Variants in ZDHHC9 observed in about 807,000 individuals in gnomAD.
ZDHHC9 encodes the protein palmitoyltransferase ZDHHC9.
A neutral mutation model predicts 26.6 loss-of-function variants in ZDHHC9; 3 were observed. That is an observed-to-expected ratio of 0.11 (90% CI 0.05 to 0.29). ZDHHC9 has a LOEUF of 0.29. Ranked by LOEUF, ZDHHC9 falls within the 10% of genes least tolerant of loss-of-function variation. The pLI is 1.00. For synonymous variants in ZDHHC9, 111 were observed against 109.4 expected, an observed-to-expected ratio of 1.01 and a Z score of -0.09; for missense variants, 146 against 296.4, an observed-to-expected ratio of 0.49 and a Z score of 3.73.
At chrX:129,823,919 G>C in intron 4 of ZDHHC9, 82 bp from the exon 5 acceptor site, 1 of 980,385 alleles carries the variant, frequency 1.0e-6, no homozygotes. Flanking sequence ...AAAACCAATG[G>C]GGGCATTCAA....
Position 129,813,666 on chromosome X carries a change from G to A in ZDHHC9, c.674+11C>T, listed in dbSNP as rs370687569. The A allele has an allele frequency of 8.5e-5, 103 of 1,208,012 alleles. No individual in the cohort carries two copies. The highest frequency in any genetic ancestry group is 1.1e-4 in the Non-Finnish European group (99 of 892,992). On this transcript the variant is annotated intron_variant, in intron 7 of 10. Coordinates refer to ENST00000357166, the MANE Select transcript of ZDHHC9 (RefSeq NM_016032.4). ...AAGGCTTCACAGGGACATACTGCCAGCGGAGGATATGTTCCAGGAGTTTCT... is the reference window on the plus strand; with the variant it reads ...AAGGCTTCACAGGGACATACTGCCAACGGAGGATATGTTCCAGGAGTTTCT...
At chrX:129,829,772 C>T (rs1928101141) in intron 3 of ZDHHC9, among the ~76,000 whole-genome samples, 2 of 111,640 alleles carry the variant, frequency 1.8e-5, no homozygotes, top group African/African-American at 3.3e-5. Context: ...ATCGTTTATC[C>T]TTAGTACCCC....
intron 5 of ZDHHC9, among the ~76,000 whole-genome samples, chrX:129,821,393 C>T (rs1244532459): frequency 1.9e-5 from 2 of 106,626 alleles, no homozygotes; most frequent in South Asian, 4.3e-4. Context: ...CCCGGGTTCA[C>T]GCCATTCTCC....
In ZDHHC9 at chrX:129,806,489, G is replaced by A. The variant is rs1927519785; in HGVS notation, c.979-3C>T. ...GAGTTCAGGTGTTCTGTGGGGGCCT[G>A]AGAAGGAAAAGATATGAGATTCAAC... is the stretch of plus-strand genomic sequence containing the variant. On this transcript the variant is annotated splice_region_variant and splice_polypyrimidine_tract_variant and intron_variant, in intron 10 of 10. Coordinates refer to ENST00000357166, the MANE Select transcript of ZDHHC9 (RefSeq NM_016032.4). 2 of 1,203,073 alleles carry A rather than the reference G, an allele frequency of 1.7e-6. No homozygotes were observed. The highest frequency in any genetic ancestry group is 2.3e-6 in the Non-Finnish European group (2 of 887,986).
chrX:129,821,604 A>G (rs1034952091), intron 5 of ZDHHC9, among the ~76,000 whole-genome samples: 1 of 108,327 alleles, frequency 9.2e-6, no homozygotes, highest in Non-Finnish European at 1.9e-5. Flanking sequence ...CCTTCTTTAA[A>G]TATCAAGTTT....
intron 4 of ZDHHC9, among the ~76,000 whole-genome samples, chrX:129,827,517 G>C (rs1928044659): frequency 1.8e-5 from 2 of 110,429 alleles, no homozygotes; most frequent in South Asian, 7.8e-4. Flanking sequence ...TGTTGATCTG[G>C]TGGGCTCCCA....
At position 129,804,661 on chromosome X, in the gene ZDHHC9, G is replaced by C. The variant is rs1168974982; in HGVS notation, c.*1709C>G. The C allele has an allele frequency of 8.9e-6, 1 of 111,815 alleles. No homozygotes were observed. The highest frequency in any genetic ancestry group is 1.9e-5 in the Non-Finnish European group (1 of 53,111). The allele number at this position is 111,815 out of a possible 1,213,427, so 9.2% of individuals were successfully genotyped here. ...TGCTTCAAAACAATATCCTAATATA[G>C]AGCTTGTTCTCTTAAGTAAATATAA... On this transcript the variant is annotated 3_prime_UTR_variant, in exon 11 of 11. Transcript: ENST00000357166.
intron 3 of ZDHHC9, among the ~76,000 whole-genome samples, chrX:129,840,871 A>C (rs1771611): frequency 0.2 from 21,763 of 109,736 alleles, 4,275 homozygotes; most frequent in African/African-American, 0.59. Flanking sequence ...CCTCCCATGG[A>C]CACACCCCAG....
intron 6 of ZDHHC9, among the ~76,000 whole-genome samples, chrX:129,814,222 G>C (rs769976984): frequency 8.1e-5 from 9 of 111,697 alleles, no homozygotes; most frequent in African/African-American, 2.3e-4. Context: ...ACATATGTGG[G>C]TGTGCTTTCT....
chrX:129,814,921 G>GTTTTT, intron 5 of ZDHHC9, 126 bp from the exon 6 acceptor site: 1 of 559,260 alleles, frequency 1.8e-6, no homozygotes, highest in Non-Finnish European at 2.7e-6. Flanking sequence ...AAAATATAGG[G>GTTTTT]TTTTTTTTTT....
chrX:129,823,841 T>C lies in ZDHHC9; in HGVS notation c.329-4A>G. 1 of 1,207,158 alleles carries C rather than the reference T, an allele frequency of 8.3e-7. No individual in the cohort carries two copies. Among genetic ancestry groups the C allele is most frequent in the Non-Finnish European group, 1.1e-6 (1 of 894,746 alleles). ...GGCACCGCACCATTGGTAGCTTCTGTAAATCAATAAAGACAGTTAATATCA... is the reference window on the plus strand; with the variant it reads ...GGCACCGCACCATTGGTAGCTTCTGCAAATCAATAAAGACAGTTAATATCA... On this transcript the variant is annotated splice_region_variant and splice_polypyrimidine_tract_variant and intron_variant, in intron 4 of 10. Coordinates refer to ENST00000357166, the MANE Select transcript of ZDHHC9 (RefSeq NM_016032.4).
chrX:129,843,455 C>T (rs962981671), intron 1 of ZDHHC9, 129 bp from the exon 2 acceptor site: 1 of 111,847 alleles, frequency 8.9e-6, no homozygotes, highest in Non-Finnish European at 1.9e-5. Context: ...CTGACTCCGC[C>T]ACGCCGCGGA....
At chrX:129,825,538 C>T (rs1927996516) in intron 4 of ZDHHC9, among the ~76,000 whole-genome samples, 1 of 110,936 alleles carries the variant, frequency 9.0e-6, no homozygotes, top group African/African-American at 3.3e-5. Context: ...TGGCAATATT[C>T]CATCATATAC....
chrX:129,822,847 A>T (rs892313117), intron 5 of ZDHHC9: 2 of 111,578 alleles, frequency 1.8e-5, no homozygotes, highest in African/African-American at 6.5e-5. Context: ...GGAACTCAAG[A>T]AAAAGTAATT....
At position 129,806,108 on chromosome X, in the gene ZDHHC9, C is replaced by A. The variant is rs1927509714; in HGVS notation, c.*262G>T. On this transcript the variant is annotated 3_prime_UTR_variant, in exon 11 of 11. Coordinates refer to ENST00000357166, the MANE Select transcript of ZDHHC9 (RefSeq NM_016032.4). The stretch of plus-strand genomic sequence containing the variant: ...GTCCAAGGGGACCCTGTGGCTGAGG[C>A]CATGGAGAACCAGTGCCAGGGCCCA... 2.7e-6 allele frequency: 1 copy of A among 370,156 alleles called. No individual in the cohort carries two copies. Among genetic ancestry groups the A allele is most frequent in the South Asian group, 3.6e-5 (1 of 27,911 alleles). 30.5% of individuals were successfully genotyped at this position (370,156 alleles called of 1,213,427 possible). A position where few individuals can be genotyped will look rare whatever the true frequency, so the allele number is the denominator to read the frequency against.
chrX:129,812,639 G>A lies in ZDHHC9; in HGVS notation c.777+79C>T, dbSNP rs573248740. 185 of 890,343 alleles carry A rather than the reference G, an allele frequency of 2.1e-4. No homozygotes were observed. In the African/African-American group the frequency reaches 3.3e-3, roughly 16 times the overall value. The allele number at this position is 890,343 out of a possible 1,213,427, so 73.4% of individuals were successfully genotyped here. On this transcript the variant is annotated intron_variant, in intron 8 of 10. Coordinates refer to ENST00000357166, the MANE Select transcript of ZDHHC9 (RefSeq NM_016032.4). ...TCAACCTCCCAGGCCCTGGAGACTCGGTAGTTCTCTAGCAGGTAGCAAGAG... is the reference window on the plus strand; with the variant it reads ...TCAACCTCCCAGGCCCTGGAGACTCAGTAGTTCTCTAGCAGGTAGCAAGAG...
chrX:129,804,838 G>A lies in ZDHHC9; in HGVS notation c.*1532C>T, dbSNP rs1927473997. ...CAACCCAAGGGTGCCCTGGTTAATG[G>A]AAGTTTGGGGAGTAACAAGCAACCC... On this transcript the variant is annotated 3_prime_UTR_variant, in exon 11 of 11. Transcript: ENST00000357166. 9.0e-6 allele frequency: 1 copy of A among 111,427 alleles called. No individual in the cohort carries two copies. The highest frequency in any genetic ancestry group is 1.9e-5 in the Non-Finnish European group (1 of 53,039). 9.2% of individuals were successfully genotyped at this position (111,427 alleles called of 1,213,427 possible). A position where few individuals can be genotyped will look rare whatever the true frequency, so the allele number is the denominator to read the frequency against.
chrX:129,810,345 CA>C (rs201211358), intron 10 of ZDHHC9, among the ~76,000 whole-genome samples: 12 of 100,537 alleles, frequency 1.2e-4, no homozygotes, highest in Non-Finnish European at 8.1e-5. Context: ...AACTCCATCT[CA>C]AAAAAAAAAG....
At chrX:129,840,742 A>C (rs1928361773) in intron 3 of ZDHHC9, among the ~76,000 whole-genome samples, 1 of 110,883 alleles carries the variant, frequency 9.0e-6, no homozygotes, top group African/African-American at 3.3e-5. Flanking sequence ...AAAGCAGCCC[A>C]AAAATCACTC....
Sources: allele counts gnomAD v4.1 joint callset (sites outside exome capture counted in the v4.1 genomes callset), GRCh38; gene constraint gnomAD v4.1.1; transcripts MANE v1.5; gene names NCBI Gene and HGNC (gene_info 2026-07-23, HGNC 2026-07-21).